Variants in INPP4B observed in about 807,000 individuals in gnomAD.
The protein encoded by INPP4B is inositol polyphosphate-4-phosphatase type II B.
INPP4B carries 55 observed loss-of-function variants against 122.5 expected under a neutral mutation model. The observed-to-expected ratio is 0.45, with a 90% CI of 0.36 to 0.56. The LOEUF is 0.56. Ranked by LOEUF, INPP4B falls within the 20% of genes least tolerant of loss-of-function variation. The pLI, the probability that INPP4B is intolerant of heterozygous loss-of-function variation, is 0.00. For synonymous variants in INPP4B, 403 were observed against 388.7 expected, an observed-to-expected ratio of 1.04 and a Z score of -0.43; for missense variants, 1,000 against 1,097.7, an observed-to-expected ratio of 0.91 and a Z score of 1.26.
chr4:142,124,882 C>T, intron 18 of INPP4B, 122 bp from the exon 19 acceptor site: 2 of 736,730 alleles, frequency 2.7e-6, no homozygotes, highest in Non-Finnish European at 4.1e-6. Context: ...TAAGGATTCA[C>T]AAAGATTAGA....
At position 142,137,239 on chromosome 4, in the gene INPP4B, C is replaced by T. The variant is rs530527286; in HGVS notation, c.1720+8601G>A. Among the ~76,000 whole-genome samples, 32 of 150,346 alleles carry T rather than the reference C, an allele frequency of 2.1e-4. No individual in the cohort carries two copies. The South Asian group carries it at 6.8e-3, about 32-fold the overall frequency. On this transcript the variant is annotated intron_variant, in intron 18 of 25. Coordinates refer to ENST00000262992, the MANE Select transcript of INPP4B (RefSeq NM_001101669.3). ...CCTCAGAAATAACACCGCATATCTA[C>T]AACTATCTGATCTTTGACAAACCTG...
intron 2 of INPP4B, among the ~76,000 whole-genome samples, chr4:142,563,787 G>T (rs575704707): frequency 2.2e-4 from 34 of 152,096 alleles, no homozygotes; most frequent in African/African-American, 8.0e-4. Flanking sequence ...CTGAGAACCC[G>T]CCACCTCCAT....
chr4:142,605,671 T>C lies in INPP4B; in HGVS notation c.-191+120168A>G, dbSNP rs556342743. Among the ~76,000 whole-genome samples, 280 of 152,032 alleles carry C rather than the reference T, an allele frequency of 1.8e-3. 2 individuals are homozygous for C. Among genetic ancestry groups the C allele is most frequent in the Middle Eastern group, 3.4e-3 (1 of 294 alleles). ...GGGGGCATATGAATTGTCAAAGATA[T>C]ATGAGAAAATGTTCAACATCATTAA... On this transcript the variant is annotated intron_variant, in intron 2 of 25. Transcript: ENST00000262992.
intron 1 of INPP4B, among the ~76,000 whole-genome samples, chr4:142,783,989 G>C (rs926998806): frequency 6.6e-6 from 1 of 152,094 alleles, no homozygotes; most frequent in Non-Finnish European, 1.5e-5. Flanking sequence ...AGAGACTTTT[G>C]GTTTCACCTT....
intron 7 of INPP4B, among the ~76,000 whole-genome samples, chr4:142,389,933 C>A (rs542690954): frequency 6.6e-6 from 1 of 152,110 alleles, no homozygotes; most frequent in Non-Finnish European, 1.5e-5. Flanking sequence ...AAAGTTTGAA[C>A]AAGTTGTGAA....
intron 12 of INPP4B, among the ~76,000 whole-genome samples, chr4:142,226,672 A>G (rs1012919834): frequency 6.6e-6 from 1 of 152,234 alleles, no homozygotes; most frequent in Non-Finnish European, 1.5e-5. Flanking sequence ...GTAAAGTTGT[A>G]GACAGAAAAA....
intron 2 of INPP4B, among the ~76,000 whole-genome samples, chr4:142,693,427 A>G (rs775407365): frequency 6.7e-6 from 1 of 148,514 alleles, no homozygotes; most frequent in Non-Finnish European, 1.5e-5. Context: ...AGCTAAGTTA[A>G]AAAGCCATTT....
chr4:142,314,774 A>C lies in INPP4B; in HGVS notation c.373-12T>G. The C allele has an allele frequency of 1.3e-6, 2 of 1,591,840 alleles. No homozygotes were observed. Among genetic ancestry groups the C allele is most frequent in the Non-Finnish European group, 1.7e-6 (2 of 1,172,000 alleles). On this transcript the variant is annotated splice_polypyrimidine_tract_variant and intron_variant, in intron 7 of 25. Transcript: ENST00000262992. Reference sequence around the variant, plus strand: ...ACACTGGTTCGAACCTGTGGAGAAAAACATTTTCTGTAAGACTTTGGAGTA... The same window carrying C: ...ACACTGGTTCGAACCTGTGGAGAAACACATTTTCTGTAAGACTTTGGAGTA...
intron 9 of INPP4B, among the ~76,000 whole-genome samples, chr4:142,272,441 T>C (rs1206541317): frequency 6.6e-6 from 1 of 152,082 alleles, no homozygotes. Context: ...TATTGTTAAA[T>C]AGATTTCTTA....
intron 2 of INPP4B, among the ~76,000 whole-genome samples, chr4:142,545,556 T>A (rs530820614): frequency 1.3e-3 from 198 of 152,104 alleles, no homozygotes; most frequent in Non-Finnish European, 2.5e-3. Flanking sequence ...AAAAGGTAAG[T>A]TCTTATGCCA....
At chr4:142,531,818 A>T (rs1827652654) in intron 2 of INPP4B, among the ~76,000 whole-genome samples, 1 of 152,208 alleles carries the variant, frequency 6.6e-6, no homozygotes, top group Non-Finnish European at 1.5e-5. Flanking sequence ...GAATTTGTTA[A>T]TGACATTTAC....
At position 142,594,578 on chromosome 4, in the gene INPP4B, T is replaced by C. The variant is rs530756695; in HGVS notation, c.-191+131261A>G. Among the ~76,000 whole-genome samples, 3 of 152,270 alleles carry C rather than the reference T, an allele frequency of 2.0e-5. No homozygotes were observed. In the South Asian group the frequency reaches 6.2e-4, roughly 32 times the overall value. ...TACAGACAGCCTGACTTTGGGGAGCTAGACCACTTATTATTGCCTCTCATT... is the reference window on the plus strand; with the variant it reads ...TACAGACAGCCTGACTTTGGGGAGCCAGACCACTTATTATTGCCTCTCATT... On this transcript the variant is annotated intron_variant, in intron 2 of 25. Transcript: ENST00000262992.
chr4:142,441,282 A>G (rs1170672106), intron 3 of INPP4B, among the ~76,000 whole-genome samples: 4 of 152,190 alleles, frequency 2.6e-5, no homozygotes, highest in Non-Finnish European at 5.9e-5. Flanking sequence ...AGATAGAAGT[A>G]TATGATTAGA....
chr4:142,133,791 C>A (rs1179731636), intron 18 of INPP4B, among the ~76,000 whole-genome samples: 1 of 152,078 alleles, frequency 6.6e-6, no homozygotes, highest in Non-Finnish European at 1.5e-5. Flanking sequence ...TTTTCTATGA[C>A]CAATATATCC....
intron 15 of INPP4B, among the ~76,000 whole-genome samples, chr4:142,186,281 G>T (rs1432980788): frequency 6.6e-6 from 1 of 152,168 alleles, no homozygotes; most frequent in Non-Finnish European, 1.5e-5. Flanking sequence ...TCAAATTTTG[G>T]AAACCACCCT....
chr4:142,029,405 T>C (rs868214008), intron 25 of INPP4B: 8 of 980,816 alleles, frequency 8.2e-6, no homozygotes, highest in Middle Eastern at 5.2e-4. Context: ...AGAGAGAAAA[T>C]GGCTTTCTGA....
chr4:142,676,451 A>T (rs1439252493), intron 2 of INPP4B, among the ~76,000 whole-genome samples: 14 of 152,118 alleles, frequency 9.2e-5, no homozygotes, highest in Admixed American at 9.2e-4. Context: ...ATCCCCAACA[A>T]GCTACCATTC....
chr4:142,699,520 G>A (rs1045919382), intron 2 of INPP4B, among the ~76,000 whole-genome samples: 2 of 152,112 alleles, frequency 1.3e-5, no homozygotes, highest in South Asian at 2.1e-4. Flanking sequence ...GAATGTGTCT[G>A]GAGAAAATCC....
chr4:142,030,153 G>A (rs567523317), intron 25 of INPP4B: 4 of 1,534,948 alleles, frequency 2.6e-6, no homozygotes, highest in South Asian at 2.4e-5. Context: ...TAAGAGTAAC[G>A]CCAGACTTAA....
Sources: gnomAD v4.1 joint callset for allele counts (sites outside exome capture counted in the v4.1 genomes callset) on GRCh38, gnomAD v4.1.1 for gene constraint, MANE v1.5 for transcripts, NCBI Gene and HGNC (gene_info 2026-07-23, HGNC 2026-07-21) for gene names.